FAT1: variants seen among roughly 807,000 people sequenced by gnomAD.
FAT1 encodes the protein FAT atypical cadherin 1, also known as protocadherin Fat 1.
In FAT1, 171 loss-of-function variants were observed where a neutral mutation model predicts 329.8. The observed-to-expected ratio is 0.52, with a 90% CI of 0.46 to 0.59. The LOEUF (loss-of-function observed/expected upper bound fraction) is 0.59. FAT1 is among the 20% of genes least tolerant of loss of function. The pLI is 0.00. For missense variants in FAT1, 5,672 were observed against 5,774.4 expected (o/e 0.98, Z 0.57); for synonymous variants, 2,233 against 2,228.6 (o/e 1.00, Z -0.06).
intron 4 of FAT1, among the ~76,000 whole-genome samples, chr4:186,639,071 A>G (rs1050303991): frequency 1.3e-5 from 2 of 152,212 alleles, no homozygotes; most frequent in African/African-American, 4.8e-5. Flanking sequence ...CCAGGTGACC[A>G]ATACATGATA....
intron 7 of FAT1, among the ~76,000 whole-genome samples, chr4:186,631,769 A>C (rs1169533419): frequency 6.6e-6 from 1 of 151,810 alleles, no homozygotes; most frequent in Non-Finnish European, 1.5e-5. Flanking sequence ...ACAGTATCCT[A>C]GTGTCTCGCC....
At chr4:186,654,415 T>C (rs1014415684) in intron 3 of FAT1, among the ~76,000 whole-genome samples, 1 of 152,094 alleles carries the variant, frequency 6.6e-6, no homozygotes, top group South Asian at 2.1e-4. Context: ...CTTCAGAGAA[T>C]GAGACAGAAA....
At position 186,596,963 on chromosome 4, in the gene FAT1, A is replaced by T; in HGVS notation, c.12577T>A (p.Phe4193Ile). ...IGIVVFVAGI[F>I]LLVVVFVLCR... The stretch of plus-strand genomic sequence containing the variant: ...AGAACAAACACCACCACCAGTAAAA[A>T]TATCCCTGCAACAAACACAACGATT... Residue 4193 changes from phenylalanine to isoleucine, a missense_variant, in exon 25 of 27, where the codon TTT becomes ATT. This residue lies in a region of FAT1 where 1,706 missense variants were observed against 1,859.1 expected (regional missense o/e 0.92). Coordinates refer to ENST00000441802, the MANE Select transcript of FAT1 (RefSeq NM_005245.4). This position sits in a 1 kb window ranked among gnomAD's most constrained non-coding sequence, Gnocchi z 4.7. 1.2e-6 allele frequency: 2 copies of T among 1,614,008 alleles called. No homozygotes were observed. The highest frequency in any genetic ancestry group is 1.7e-6 in the Non-Finnish European group (2 of 1,179,902).
At chr4:186,682,317 A>C (rs1220313877) in intron 2 of FAT1, among the ~76,000 whole-genome samples, 1 of 152,172 alleles carries the variant, frequency 6.6e-6, no homozygotes, top group African/African-American at 2.4e-5. Context: ...ACCTGAGGTC[A>C]GGAGTTCGAG....
intron 2 of FAT1, among the ~76,000 whole-genome samples, chr4:186,669,726 T>A (rs557497069): frequency 6.6e-6 from 1 of 152,270 alleles, no homozygotes; most frequent in East Asian, 1.9e-4. Context: ...TTAACCAAGA[T>A]AGTTGAAAAT....
chr4:186,610,643 T>TAATTTATATAAATATAAATTATATA (rs1739378936), intron 14 of FAT1, among the ~76,000 whole-genome samples: 1 of 94,800 alleles, frequency 1.1e-5, no homozygotes. Flanking sequence ...ATAATTTATA[T>TAATTTATATAAATATAAATTATATA]AATTTATATA....
At chr4:186,614,140 TATGATAC>T (rs1450422886) in intron 12 of FAT1, 44 bp downstream of exon 12, 47 of 1,483,954 alleles carry the variant, frequency 3.2e-5, no homozygotes, top group Non-Finnish European at 4.2e-5. Context: ...CACCCACATA[TATGATAC>T]TGTTGGAATA....
rs980333559 is a variant in FAT1, at chr4:186,620,387, C to A, written c.6199G>T (p.Val2067Leu). The A allele has an allele frequency of 8.1e-6, 13 of 1,613,898 alleles. No individual in the cohort carries two copies. Among genetic ancestry groups the A allele is most frequent in the African/African-American group, 2.7e-5 (2 of 74,928 alleles). Residue 2067 changes from valine (V) to leucine (L), a missense_variant, in exon 10 of 27, where the codon GTG (valine) becomes TTG (leucine). Transcript: ENST00000441802. ...HKPSAVAHVV[V>L]KVIVEDQNDN... is the part of the protein sequence containing the mutation. The stretch of plus-strand genomic sequence containing the variant: ...TTTTGGTCTTCTACAATGACCTTCA[C>A]GACAACGTGGGCCACTGCAGAAGGC...
Position 186,603,555 on chromosome 4 carries a change from A to G in FAT1, c.10971T>C (p.Gly3657=), listed in dbSNP as rs1336997132. ...FANLTPEEFV[G]DYWRNFQRAL... ...CTCGCTGGAAGTTGCGCCAGTAGTC[A>G]CCAACGAATTCTTCCGGAGTGAGGT... Residue 3657 remains glycine (G), a synonymous_variant, in exon 19 of 27, where the codon GGT becomes GGC. Transcript: ENST00000441802. 1.2e-6 allele frequency: 2 copies of G among 1,613,966 alleles called. No homozygotes were observed. The highest frequency in any genetic ancestry group is 2.2e-5 in the East Asian group (1 of 44,878).
chr4:186,648,740 T>C (rs1159896467), intron 3 of FAT1, among the ~76,000 whole-genome samples: 1 of 152,078 alleles, frequency 6.6e-6, no homozygotes, highest in Non-Finnish European at 1.5e-5. Flanking sequence ...TGCATCGGGA[T>C]CATGGGGTGT....
Position 186,707,023 on chromosome 4 carries a change from T to A in FAT1, c.2805A>T (p.Lys935Asn), listed in dbSNP as rs368463577. 20 of 1,613,864 alleles carry A rather than the reference T, an allele frequency of 1.2e-5. No individual in the cohort carries two copies. Among genetic ancestry groups the A allele is most frequent in the Non-Finnish European group, 1.6e-5 (19 of 1,179,908 alleles). Residue 935 changes from lysine to asparagine, a missense_variant, in exon 2 of 27, where the codon AAA becomes AAT. This residue lies in a region of FAT1 where 3,966 missense variants were observed against 3,915.2 expected (regional missense o/e 1.01). Coordinates refer to ENST00000441802, the MANE Select transcript of FAT1 (RefSeq NM_005245.4). Reference protein sequence around the residue: ...PTFIPPNYRVKVREDLPEGTV... With the variant: ...PTFIPPNYRVNVREDLPEGTV... ...TTCCTTCTGGAAGATCCTCTCGGACTTTCACACGATAATTAGGTGGAATAA... is the reference window on the plus strand; with the variant it reads ...TTCCTTCTGGAAGATCCTCTCGGACATTCACACGATAATTAGGTGGAATAA...
chr4:186,647,441 G>C (rs1200152832), intron 3 of FAT1, among the ~76,000 whole-genome samples: 1 of 152,140 alleles, frequency 6.6e-6, no homozygotes, highest in Admixed American at 6.5e-5. Context: ...TCTGATTCCA[G>C]AGTCCAAGCT....
At chr4:186,634,372 CTAT>C (rs1245874470) in intron 6 of FAT1, among the ~76,000 whole-genome samples, 3 of 152,008 alleles carry the variant, frequency 2.0e-5, no homozygotes, top group Non-Finnish European at 4.4e-5. Flanking sequence ...AGTTTCTATC[CTAT>C]TAATATTATC....
chr4:186,637,575 A>G (rs1311573961), intron 4 of FAT1, among the ~76,000 whole-genome samples: 1 of 152,206 alleles, frequency 6.6e-6, no homozygotes, highest in African/African-American at 2.4e-5. Flanking sequence ...TAAACTATCC[A>G]TATATTCTTA....
intron 3 of FAT1, among the ~76,000 whole-genome samples, chr4:186,641,917 G>A (rs1463416625): frequency 6.6e-6 from 1 of 151,588 alleles, no homozygotes; most frequent in Non-Finnish European, 1.5e-5. Context: ...TGAGGCAGAA[G>A]AAAAGCTTGA....
intron 17 of FAT1, among the ~76,000 whole-genome samples, chr4:186,605,192 G>C (rs571013049): frequency 3.4e-4 from 49 of 145,698 alleles, no homozygotes; most frequent in Admixed American, 1.8e-3. Flanking sequence ...CTCTAGCCTG[G>C]GCAATGAGTG....
chr4:186,598,992 C>CAG (rs1470573675), intron 22 of FAT1, among the ~76,000 whole-genome samples: 2 of 152,190 alleles, frequency 1.3e-5, no homozygotes, highest in African/African-American at 4.8e-5. Flanking sequence ...TGCCCTGGGC[C>CAG]AGGGCCTTTA....
At chr4:186,592,397 A>G (rs545395170) in intron 26 of FAT1, among the ~76,000 whole-genome samples, 1 of 152,208 alleles carries the variant, frequency 6.6e-6, no homozygotes, top group African/African-American at 2.4e-5. Flanking sequence ...GTTTCAAAAA[A>G]ATTTTAGGTA....
chr4:186,606,069 C>G lies in FAT1; in HGVS notation c.10350+1G>C, dbSNP rs2126446911. 6.2e-7 allele frequency: 1 copy of G among 1,612,646 alleles called. No homozygotes were observed. The highest frequency in any genetic ancestry group is 8.5e-7 in the Non-Finnish European group (1 of 1,179,668). On this transcript the variant is annotated splice_donor_variant, in intron 17 of 26. Coordinates refer to ENST00000441802, the MANE Select transcript of FAT1 (RefSeq NM_005245.4). LOFTEE classifies it high-confidence loss of function. Reference sequence around the variant, plus strand: ...GGACCACCTTGGCACTCGAAGCCCACCTGGATAATGACACTGTAGTTTCCC... The same window carrying G: ...GGACCACCTTGGCACTCGAAGCCCAGCTGGATAATGACACTGTAGTTTCCC...
Sources: gnomAD v4.1 joint callset for allele counts (sites outside exome capture counted in the v4.1 genomes callset) on GRCh38, gnomAD v4.1.1 for gene constraint, gnomAD v4.1.1 regional missense constraint, Gnocchi (gnomAD v3.1) non-coding constraint, MANE v1.5 for transcripts, NCBI Gene and HGNC (gene_info 2026-07-23, HGNC 2026-07-21) for gene names.